Variants in PDZD2 observed in about 807,000 individuals in gnomAD.
PDZD2 encodes the protein PDZ domain containing 2, also known as PDZ domain-containing protein 2.
PDZD2 carries 90 observed loss-of-function variants against 220.7 expected under a neutral mutation model. That is an observed-to-expected ratio of 0.41 (90% CI 0.34 to 0.49). PDZD2 has a LOEUF of 0.49. Among genes scored for constraint, PDZD2 ranks in the 20% least tolerant of loss-of-function variants. The probability of loss-of-function intolerance (pLI) is 0.28; values close to 1 mark genes in which losing one functional copy is unlikely to be tolerated. For synonymous variants in PDZD2, 1,375 were observed against 1,450.5 expected, an observed-to-expected ratio of 0.95 and a Z score of 1.18; for missense variants, 3,174 against 3,608.5, an observed-to-expected ratio of 0.88 and a Z score of 3.08.
intron 5 of PDZD2, among the ~76,000 whole-genome samples, chr5:32,003,373 CCA>C (rs1418076655): frequency 1.4e-5 from 1 of 70,956 alleles, no homozygotes; most frequent in Non-Finnish European, 3.9e-5. Context: ...CACACACACA[CCA>C]CACACACACC....
rs1173189592 is a variant in PDZD2, at chr5:32,006,907, CTTTTTTTTTTTT to C, written c.1255-3408_1255-3397del. Among the ~76,000 whole-genome samples, 78 of 47,856 alleles carry C rather than the reference CTTTTTTTTTTTT, an allele frequency of 1.6e-3. 1 individual carries two copies. The highest frequency in any genetic ancestry group is 7.2e-3 in the African/African-American group (72 of 9,938). The allele number at this position is 47,856 out of a possible 152,430, so 31.4% of individuals were successfully genotyped here. ...ATTTCACTATGTTAGCCATGCTGGT[CTTTTTTTTTTTT>C]TTTTTTTTTTTTTTGAGACGGAGTC... On this transcript the variant is annotated intron_variant, in intron 5 of 24. Transcript: ENST00000438447.
At chr5:31,865,090 G>A (rs958357638) in intron 2 of PDZD2, among the ~76,000 whole-genome samples, 12 of 151,020 alleles carry the variant, frequency 7.9e-5, no homozygotes, top group Middle Eastern at 6.8e-3. Flanking sequence ...CTCGTGATCC[G>A]CCCGCCTCAG....
chr5:32,034,794 C>G (rs755538780), intron 6 of PDZD2, among the ~76,000 whole-genome samples: 1 of 152,112 alleles, frequency 6.6e-6, no homozygotes, highest in Admixed American at 6.5e-5. Context: ...TCTCTAGATT[C>G]TTCCATTTGT....
rs1322219729 is a variant in PDZD2 at position 31,646,789 on chromosome 5, C to T, written c.-361+7352C>T. On this transcript the variant is annotated intron_variant, in intron 1 of 24. Coordinates refer to ENST00000438447, the MANE Select transcript of PDZD2 (RefSeq NM_178140.4). The surrounding 1 kb of genome is among the most constrained non-coding windows in gnomAD (Gnocchi z 4.7). The stretch of plus-strand genomic sequence containing the variant: ...GCTTTCCTCCACAGTTTGCCACTGC[C>T]CACTCTCCACTCCTACCCCGCCCTG... Among the ~76,000 whole-genome samples the T allele has an allele frequency of 1.3e-5, 2 of 152,136 alleles. No homozygotes were observed. Among genetic ancestry groups the T allele is most frequent in the Non-Finnish European group, 2.9e-5 (2 of 68,030 alleles).
intron 3 of PDZD2, among the ~76,000 whole-genome samples, chr5:31,988,796 C>T (rs930871198): frequency 1.3e-5 from 2 of 152,072 alleles, no homozygotes; most frequent in Non-Finnish European, 2.9e-5. Context: ...GCGAGTGCTC[C>T]GCTCACTACC....
chr5:32,044,429 A>G (rs556849090), intron 7 of PDZD2, among the ~76,000 whole-genome samples: 1 of 152,292 alleles, frequency 6.6e-6, no homozygotes, highest in South Asian at 2.1e-4. Context: ...TACGAGAGGT[A>G]CAGGGAGTGG....
chr5:32,039,853 C>T (rs539958737), intron 7 of PDZD2, among the ~76,000 whole-genome samples: 297 of 149,264 alleles, frequency 2.0e-3, no homozygotes, highest in Non-Finnish European at 3.5e-3. Context: ...GTGAGGAGCG[C>T]CTCTGCCCGG....
intron 2 of PDZD2, among the ~76,000 whole-genome samples, chr5:31,856,009 T>C (rs1758413124): frequency 6.6e-6 from 1 of 152,216 alleles, no homozygotes; most frequent in Admixed American, 6.5e-5. Context: ...ACAAATGCTT[T>C]TCATAGAAAT....
At chr5:32,071,971 G>A (rs1015080130) in intron 16 of PDZD2, among the ~76,000 whole-genome samples, 190 bp from the exon 17 acceptor site, 1 of 152,212 alleles carries the variant, frequency 6.6e-6, no homozygotes, top group Non-Finnish European at 1.5e-5. Flanking sequence ...TCTGGCAGCA[G>A]TCACCTTTTT....
At chr5:31,795,700 C>T (rs1454388800) in intron 1 of PDZD2, among the ~76,000 whole-genome samples, 1 of 152,228 alleles carries the variant, frequency 6.6e-6, no homozygotes, top group Non-Finnish European at 1.5e-5. Context: ...GGAACAACCA[C>T]ACTTTTCATA....
intron 6 of PDZD2, among the ~76,000 whole-genome samples, chr5:32,035,568 T>G (rs950220614): frequency 2.0e-5 from 3 of 151,978 alleles, no homozygotes; most frequent in African/African-American, 7.3e-5. Flanking sequence ...CCTCCTGGGC[T>G]CAAGTGATCC....
intron 1 of PDZD2, among the ~76,000 whole-genome samples, chr5:31,717,584 T>C (rs901375480): frequency 6.6e-6 from 1 of 152,116 alleles, no homozygotes; most frequent in Non-Finnish European, 1.5e-5. Flanking sequence ...TGGTGCATTC[T>C]ACCTTGTGAA....
intron 1 of PDZD2, among the ~76,000 whole-genome samples, chr5:31,797,094 A>AT (rs756548601): frequency 0.013 from 859 of 66,546 alleles, 50 homozygotes; most frequent in African/African-American, 0.031. Flanking sequence ...CACCCAGCTA[A>AT]TTTTTTTTTT....
chr5:32,016,183 C>T (rs962321618), intron 6 of PDZD2, among the ~76,000 whole-genome samples: 3 of 152,062 alleles, frequency 2.0e-5, no homozygotes, highest in Non-Finnish European at 2.9e-5. Flanking sequence ...CCAGTATCCT[C>T]GAGTGTAGAA....
intron 1 of PDZD2, among the ~76,000 whole-genome samples, chr5:31,772,868 T>C (rs1038144349): frequency 6.6e-6 from 1 of 152,196 alleles, no homozygotes; most frequent in African/African-American, 2.4e-5. Context: ...ACTGAGTAAC[T>C]GGAGCAAGGA....
chr5:31,775,250 C>G (rs1219629202), intron 1 of PDZD2, among the ~76,000 whole-genome samples: 1 of 151,878 alleles, frequency 6.6e-6, no homozygotes, highest in Non-Finnish European at 1.5e-5. Context: ...TTAGAATTTG[C>G]CTGTTTCTCA....
At chr5:31,789,045 G>A (rs74903686) in intron 1 of PDZD2, among the ~76,000 whole-genome samples, 4,834 of 152,298 alleles carry the variant, frequency 0.032, 235 homozygotes, top group African/African-American at 0.11. Flanking sequence ...AGCTATAACA[G>A]AATATCTAAT....
At chr5:32,082,016 CAT>C (rs961467857) in intron 19 of PDZD2, among the ~76,000 whole-genome samples, 6 of 147,188 alleles carry the variant, frequency 4.1e-5, no homozygotes, top group African/African-American at 1.5e-4. Flanking sequence ...CCGCGCCTGG[CAT>C]ATCTTTGTTT....
At chr5:32,056,349 A>G (rs1451775610) in intron 10 of PDZD2, among the ~76,000 whole-genome samples, 1 of 152,160 alleles carries the variant, frequency 6.6e-6, no homozygotes, top group Non-Finnish European at 1.5e-5. Flanking sequence ...TGCTCCTGGG[A>G]TTGGCTGTCT....
Sources: allele counts gnomAD v4.1 joint callset (sites outside exome capture counted in the v4.1 genomes callset), GRCh38; gene constraint gnomAD v4.1.1; non-coding constraint Gnocchi (gnomAD v3.1); transcripts MANE v1.5; gene names NCBI Gene and HGNC (gene_info 2026-07-23, HGNC 2026-07-21).